Variants in AGMO observed in about 807,000 individuals in gnomAD.
AGMO encodes alkylglycerol monooxygenase.
AGMO carries 75 observed loss-of-function variants against 60.2 expected under a neutral mutation model. That is an observed-to-expected ratio of 1.25 (90% confidence interval 1.03 to 1.51). The LOEUF (loss-of-function observed/expected upper bound fraction) is 1.51. Ranked by LOEUF, AGMO falls within the 40% of genes most tolerant of loss-of-function variation. The pLI is 0.00. For synonymous variants in AGMO, 261 were observed against 177.1 expected (o/e 1.47, Z -3.76); for missense variants, 763 against 525.5 (o/e 1.45, Z -4.42).
intron 3 of AGMO, among the ~76,000 whole-genome samples, chr7:15,531,656 A>ATTCTC (rs1784369006): frequency 1.7e-5 from 2 of 119,562 alleles, no homozygotes; most frequent in Admixed American, 1.1e-4. Context: ...AAATATAAAT[A>ATTCTC]TATATATTTT....
chr7:15,118,168 A>G, the AGMO span, among the ~76,000 whole-genome samples: 2 of 41,970 alleles, frequency 4.8e-5, no homozygotes, highest in Non-Finnish European at 1.2e-4. Flanking sequence ...AAACCACTAA[A>G]GAGAAACACA....
chr7:15,493,923 C>T (rs540695851), intron 3 of AGMO, among the ~76,000 whole-genome samples: 6 of 152,172 alleles, frequency 3.9e-5, no homozygotes, highest in Non-Finnish European at 5.9e-5. Flanking sequence ...TTGATATATG[C>T]GTGCAATGTG....
At chr7:15,456,661 G>A (rs10268895) in intron 3 of AGMO, among the ~76,000 whole-genome samples, 121,136 of 152,072 alleles carry the variant, frequency 0.8, 49,276 homozygotes, top group African/African-American at 0.87. Flanking sequence ...TCTTCCACAG[G>A]ATTTCAACTG....
chr7:15,189,528 C>T, the AGMO span, among the ~76,000 whole-genome samples: 1 of 151,918 alleles, frequency 6.6e-6, no homozygotes, highest in Non-Finnish European at 1.5e-5. Context: ...GGAGCCAGCA[C>T]ATTAATAGCT....
intron 2 of AGMO, among the ~76,000 whole-genome samples, chr7:15,557,215 G>A (rs1326912519): frequency 2.6e-5 from 4 of 152,024 alleles, no homozygotes; most frequent in Non-Finnish European, 5.9e-5. Flanking sequence ...GGAAAAACAC[G>A]TTCGCTTTGA....
At chr7:15,225,778 G>C (rs979502941) in intron 12 of AGMO, among the ~76,000 whole-genome samples, 5 of 151,762 alleles carry the variant, frequency 3.3e-5, no homozygotes, top group Admixed American at 2.0e-4. Context: ...AAATATTTAG[G>C]AAAAACAAGC....
At chr7:15,532,233 A>G (rs1784386923) in intron 3 of AGMO, among the ~76,000 whole-genome samples, 1 of 152,198 alleles carries the variant, frequency 6.6e-6, no homozygotes, top group South Asian at 2.1e-4. Context: ...TGTCACCATG[A>G]TCTAAAATAG....
At chr7:15,325,040 T>A (rs1563088347) in intron 12 of AGMO, among the ~76,000 whole-genome samples, 1 of 152,134 alleles carries the variant, frequency 6.6e-6, no homozygotes, top group Non-Finnish European at 1.5e-5. Flanking sequence ...ATACCTAACA[T>A]TTTTAACATG....
chr7:15,386,691 T>C (rs1783929604), intron 9 of AGMO, among the ~76,000 whole-genome samples: 1 of 152,160 alleles, frequency 6.6e-6, no homozygotes. Flanking sequence ...GTACACATAG[T>C]ATCATCCTTG....
chr7:15,231,358 C>T (rs1350026651), intron 12 of AGMO, among the ~76,000 whole-genome samples: 1 of 152,170 alleles, frequency 6.6e-6, no homozygotes, highest in African/African-American at 2.4e-5. Flanking sequence ...TTATCTCTCA[C>T]TTCCCCAGCA....
At position 15,525,739 on chromosome 7, in the gene AGMO, T is replaced by C. The variant is rs544832504; in HGVS notation, c.409+19033A>G. On this transcript the variant is annotated intron_variant, in intron 3 of 12. Coordinates refer to ENST00000342526, the MANE Select transcript of AGMO (RefSeq NM_001004320.2). ...CCCCACTTGATGAGAAGCAGAGGCG[T>C]AGCTGAGCCAGCCCAGGAGCCCCAG... Among the ~76,000 whole-genome samples, 480 of 152,020 alleles carry C rather than the reference T, an allele frequency of 3.2e-3. 1 individual carries two copies. Among genetic ancestry groups the C allele is most frequent in the African/African-American group, 0.011 (464 of 41,450 alleles).
At chr7:15,357,801 C>G (rs1245450543) in intron 12 of AGMO, among the ~76,000 whole-genome samples, 1 of 152,024 alleles carries the variant, frequency 6.6e-6, no homozygotes, top group Non-Finnish European at 1.5e-5. Context: ...ATGAGTAGGC[C>G]CAGGTGAACG....
At chr7:15,174,008 G>A in the AGMO span, among the ~76,000 whole-genome samples, 1 of 151,586 alleles carries the variant, frequency 6.6e-6, no homozygotes, top group Non-Finnish European at 1.5e-5. Context: ...CCCATTTTAT[G>A]TTTCTCTTTT....
At chr7:15,376,605 T>C (rs1429616044) in intron 10 of AGMO, among the ~76,000 whole-genome samples, 1 of 152,132 alleles carries the variant, frequency 6.6e-6, no homozygotes, top group Admixed American at 6.6e-5. Flanking sequence ...TTATTACATA[T>C]CCTATTATAA....
At chr7:15,521,237 G>C (rs1323448795) in intron 3 of AGMO, among the ~76,000 whole-genome samples, 1 of 152,130 alleles carries the variant, frequency 6.6e-6, no homozygotes, top group African/African-American at 2.4e-5. Flanking sequence ...CACAGGACCA[G>C]ATGGATTCAC....
chr7:15,219,605 C>A (rs938458178), intron 12 of AGMO, among the ~76,000 whole-genome samples: 4 of 151,970 alleles, frequency 2.6e-5, no homozygotes, highest in African/African-American at 9.7e-5. Flanking sequence ...GTGATTGAAG[C>A]GTTCTCATCC....
intron 12 of AGMO, among the ~76,000 whole-genome samples, chr7:15,305,124 T>G (rs1780573506): frequency 1.3e-5 from 2 of 151,846 alleles, no homozygotes; most frequent in African/African-American, 4.8e-5. Context: ...CTATCTTAGG[T>G]ACTTATTCAT....
At chr7:15,242,778 A>G (rs1028674497) in intron 12 of AGMO, among the ~76,000 whole-genome samples, 3 of 152,160 alleles carry the variant, frequency 2.0e-5, no homozygotes, top group Admixed American at 1.3e-4. Flanking sequence ...TATACAAAAT[A>G]TAAAATAAAT....
At chr7:15,121,184 C>A in the AGMO span, among the ~76,000 whole-genome samples, 1 of 152,034 alleles carries the variant, frequency 6.6e-6, no homozygotes, top group Non-Finnish European at 1.5e-5. Flanking sequence ...GTATTCCATG[C>A]TGTATATGTG....
Sources: gnomAD v4.1 joint callset for allele counts (sites outside exome capture counted in the v4.1 genomes callset) on GRCh38, gnomAD v4.1.1 for gene constraint, MANE v1.5 for transcripts, NCBI Gene and HGNC (gene_info 2026-07-23, HGNC 2026-07-21) for gene names.